Variants in RASGRP3 observed in about 807,000 individuals in gnomAD.
The protein encoded by RASGRP3 is ras guanyl-releasing protein 3.
A neutral mutation model predicts 82.7 loss-of-function variants in RASGRP3; 54 were observed. The ratio of observed to expected loss-of-function variants is 0.65; its 90% CI spans 0.52 to 0.82. The LOEUF is 0.82. RASGRP3 is among the 40% of genes least tolerant of loss of function. RASGRP3 has a pLI of 0.00. For missense variants in RASGRP3, 861 were observed against 828.9 expected (o/e 1.04, Z -0.48); for synonymous variants, 309 against 300.5 (o/e 1.03, Z -0.29).
intron 14 of RASGRP3, among the ~76,000 whole-genome samples, chr2:33,550,377 C>T (rs1675241421): frequency 6.6e-6 from 1 of 152,160 alleles, no homozygotes; most frequent in African/African-American, 2.4e-5. Flanking sequence ...GAGGATTGCA[C>T]AGCTAATCAT....
chr2:33,502,097 C>T (rs750013025), intron 1 of RASGRP3, among the ~76,000 whole-genome samples: 5 of 152,010 alleles, frequency 3.3e-5, no homozygotes, highest in Non-Finnish European at 7.4e-5. Context: ...GAGAGATGGC[C>T]AGTAGAGGGT....
chr2:33,559,327 T>C (rs934670888), intron 17 of RASGRP3, among the ~76,000 whole-genome samples: 1 of 152,168 alleles, frequency 6.6e-6, no homozygotes, highest in African/African-American at 2.4e-5. Context: ...CCCATGACTA[T>C]ATATCCAAAA....
chr2:33,470,039 A>G (rs938098329), intron 2 of RASGRP3, among the ~76,000 whole-genome samples: 2 of 152,150 alleles, frequency 1.3e-5, no homozygotes, highest in African/African-American at 2.4e-5. Context: ...TTTTTAGCCT[A>G]TTTAGTACCT....
intron 1 of RASGRP3, chr2:33,482,297 A>T (rs1490210936): frequency 6.6e-6 from 1 of 152,324 alleles, no homozygotes; most frequent in Non-Finnish European, 1.5e-5. Context: ...TAGAGGCGTG[A>T]GCCACCGTGC....
chr2:33,470,791 G>T (rs1200289213), intron 2 of RASGRP3, among the ~76,000 whole-genome samples: 1 of 152,020 alleles, frequency 6.6e-6, no homozygotes, highest in Non-Finnish European at 1.5e-5. Context: ...TACTTATTTT[G>T]TATATTTATT....
intron 2 of RASGRP3, among the ~76,000 whole-genome samples, chr2:33,466,526 A>G (rs1489241172): frequency 6.6e-6 from 1 of 152,070 alleles, no homozygotes; most frequent in Non-Finnish European, 1.5e-5. Context: ...TAAAAATACA[A>G]AAATTGGCCG....
At chr2:33,468,375 A>G (rs1316593771) in intron 2 of RASGRP3, among the ~76,000 whole-genome samples, 1 of 152,074 alleles carries the variant, frequency 6.6e-6, no homozygotes, top group East Asian at 1.9e-4. Context: ...TCGATGCTGA[A>G]TATTTTTCCA....
At chr2:33,493,042 C>T (rs1668992932) in intron 1 of RASGRP3, 2 of 152,082 alleles carry the variant, frequency 1.3e-5, no homozygotes, top group Non-Finnish European at 2.9e-5. Flanking sequence ...TGAGTGTGTA[C>T]CTCTTCTTTA....
Position 33,539,126 on chromosome 2 carries a change from T to A in RASGRP3, c.1194T>A (p.Pro398=). 6.2e-7 allele frequency: 1 copy of A among 1,611,010 alleles called. No homozygotes were observed. The highest frequency in any genetic ancestry group is 1.1e-5 in the South Asian group (1 of 90,220). ...CCTCCCCTACGACGCCCAACAAGCC[T>A]GTGGTACCCCTGGAGTGGGCATTAG... ...QPTSPTTPNK[P]VVPLEWALGV... is the part of the protein sequence containing the mutation. Residue 398 remains proline, a synonymous_variant, in exon 12 of 18, where the codon CCT becomes CCA. Transcript: ENST00000403687.
At chr2:33,522,907 C>T (rs574234549) in intron 7 of RASGRP3, among the ~76,000 whole-genome samples, 1 of 152,224 alleles carries the variant, frequency 6.6e-6, no homozygotes, top group Non-Finnish European at 1.5e-5. Context: ...CAATTCCCCA[C>T]AGGCAGGCCA....
At chr2:33,547,342 C>CTGTTTTTTT in intron 13 of RASGRP3, among the ~76,000 whole-genome samples, 1 of 68,178 alleles carries the variant, frequency 1.5e-5, no homozygotes, top group Non-Finnish European at 2.6e-5. Context: ...ATATAGAATC[C>CTGTTTTTTT]TTTTTTTTTT....
intron 10 of RASGRP3, among the ~76,000 whole-genome samples, chr2:33,528,798 T>C (rs1028325116): frequency 1.5e-4 from 23 of 152,142 alleles, no homozygotes; most frequent in Non-Finnish European, 2.6e-4. Context: ...TCTCTTAAAG[T>C]TGAGTTTTTG....
chr2:33,527,107 T>G, intron 9 of RASGRP3, 30 bp from the exon 10 acceptor site: 1 of 1,610,514 alleles, frequency 6.2e-7, no homozygotes, highest in Non-Finnish European at 8.5e-7. Context: ...GAAAGTTGTT[T>G]GAAAATTCTA....
At chr2:33,487,163 G>A (rs1668468592) in intron 1 of RASGRP3, among the ~76,000 whole-genome samples, 1 of 152,012 alleles carries the variant, frequency 6.6e-6, no homozygotes, top group Non-Finnish European at 1.5e-5. Context: ...TAAAAGATAA[G>A]TTCTCTTAAA....
At chr2:33,446,677 T>C (rs1485403319) in intron 1 of RASGRP3, among the ~76,000 whole-genome samples, 1 of 152,034 alleles carries the variant, frequency 6.6e-6, no homozygotes, top group African/African-American at 2.4e-5. Flanking sequence ...CCTCAAGAAA[T>C]GATCCTCAAC....
At chr2:33,498,743 G>A (rs965827369) in intron 1 of RASGRP3, among the ~76,000 whole-genome samples, 1 of 151,844 alleles carries the variant, frequency 6.6e-6, no homozygotes, top group African/African-American at 2.4e-5. Flanking sequence ...GGCACAGCTC[G>A]GTTCTATGAG....
chr2:33,536,429 A>C (rs1199294004), intron 11 of RASGRP3, among the ~76,000 whole-genome samples: 1 of 151,838 alleles, frequency 6.6e-6, no homozygotes, highest in African/African-American at 2.4e-5. Context: ...GCTGGGATTC[A>C]GTGTCAGGCC....
At chr2:33,472,514 TAAGAGTGCAAGATGAG>T (rs1278525130), upstream of RASGRP3, among the ~76,000 whole-genome samples, 1 of 151,844 alleles carries the variant, frequency 6.6e-6, no homozygotes, top group African/African-American at 2.4e-5. Context: ...TGAGGGGCGG[TAAGAGTGCAAGATGAG>T]AAGAGAGGAT....
chr2:33,497,574 C>A (rs1669441470), intron 1 of RASGRP3, among the ~76,000 whole-genome samples: 1 of 152,138 alleles, frequency 6.6e-6, no homozygotes, highest in Admixed American at 6.5e-5. Flanking sequence ...TTTCATTCTA[C>A]AGAAGAATAA....
Sources: allele counts gnomAD v4.1 joint callset (sites outside exome capture counted in the v4.1 genomes callset), GRCh38; gene constraint gnomAD v4.1.1; transcripts MANE v1.5; gene names NCBI Gene and HGNC (gene_info 2026-07-23, HGNC 2026-07-21).